The following CUX1 variants were observed in gnomAD, a reference collection of about 807,000 sequenced individuals.
The protein encoded by CUX1 is protein CASP.
CUX1 carries 31 observed loss-of-function variants against 158.8 expected under a neutral mutation model. The ratio of observed to expected loss-of-function variants is 0.20; its 90% CI spans 0.15 to 0.26. CUX1 has a LOEUF of 0.26. Among genes scored for constraint, CUX1 ranks in the 10% least tolerant of loss-of-function variants. The pLI, the probability that CUX1 is intolerant of heterozygous loss-of-function variation, is 1.00. For synonymous variants in CUX1, 879 were observed against 862.1 expected, an observed-to-expected ratio of 1.02 and a Z score of -0.34; for missense variants, 1,589 against 2,014.6, an observed-to-expected ratio of 0.79 and a Z score of 4.04.
At chr7:102,113,838 G>A (rs557356092) in intron 7 of CUX1, among the ~76,000 whole-genome samples, 1 of 152,140 alleles carries the variant, frequency 6.6e-6, no homozygotes, top group East Asian at 1.9e-4. Context: ...AATGCTGGGG[G>A]ATTACAGGTG....
In CUX1 at chr7:102,040,862, G is replaced by T. The variant is rs1292840827; in HGVS notation, c.189+12717G>T. Among the ~76,000 whole-genome samples, 3 of 152,206 alleles carry T rather than the reference G, an allele frequency of 2.0e-5. No individual in the cohort carries two copies. The East Asian group carries it at 5.8e-4, about 29-fold the overall frequency. ...GACTTTGCTCATCTGTAAAACGAGT[G>T]GGTTACCCAGATCCTCCCCCAAGGA... On this transcript the variant is annotated intron_variant, in intron 3 of 23. Transcript: ENST00000292535.
intron 20 of CUX1, among the ~76,000 whole-genome samples, chr7:102,216,448 G>T (rs938819098): frequency 1.1e-4 from 17 of 151,930 alleles, no homozygotes; most frequent in Non-Finnish European, 2.4e-4. Flanking sequence ...ACTTGGTAAG[G>T]GATGGGTAGG....
At chr7:102,166,573 G>A (rs927730836) in intron 9 of CUX1, among the ~76,000 whole-genome samples, 1 of 152,124 alleles carries the variant, frequency 6.6e-6, no homozygotes, top group Non-Finnish European at 1.5e-5. Flanking sequence ...GTCACCACAC[G>A]CCGACCCGGG....
chr7:102,279,540 TG>T (rs1554548645), intron 18 of CUX1, among the ~76,000 whole-genome samples: 1 of 152,020 alleles, frequency 6.6e-6, no homozygotes, highest in Non-Finnish European at 1.5e-5. Flanking sequence ...GAGAAGAGCG[TG>T]GGGCATAGTG....
At chr7:102,148,562 A>G (rs371275) in intron 8 of CUX1, among the ~76,000 whole-genome samples, 3 of 151,750 alleles carry the variant, frequency 2.0e-5, no homozygotes, top group African/African-American at 7.3e-5. Context: ...CAAACAAAAA[A>G]ACAAAAAACA....
chr7:101,951,650 C>T (rs1281905424), intron 2 of CUX1, among the ~76,000 whole-genome samples: 2 of 152,084 alleles, frequency 1.3e-5, no homozygotes, highest in East Asian at 3.9e-4. Flanking sequence ...GGACTACAGG[C>T]GTCCGCCACC....
At chr7:102,139,659 AT>A (rs1162544296) in intron 8 of CUX1, among the ~76,000 whole-genome samples, 13 of 150,436 alleles carry the variant, frequency 8.6e-5, no homozygotes, top group African/African-American at 2.0e-4. Context: ...TCCAAAATGA[AT>A]TTTTTTTTTA....
chr7:102,108,553 G>T (rs1830594867), intron 6 of CUX1, among the ~76,000 whole-genome samples: 1 of 152,062 alleles, frequency 6.6e-6, no homozygotes, highest in Non-Finnish European at 1.5e-5. Flanking sequence ...GCTCAGGCTG[G>T]TTTCAAACTC....
chr7:102,146,339 C>T (rs797039256), intron 8 of CUX1, among the ~76,000 whole-genome samples: 2 of 152,184 alleles, frequency 1.3e-5, no homozygotes, highest in African/African-American at 2.4e-5. Flanking sequence ...TGGGGTCACA[C>T]GCTCTGGTGA....
rs1801696858 is a variant in CUX1 at position 102,253,129 on chromosome 7, C to T, written c.*4087C>T. ...TGCTCAGTTTCCTTCCTGTCGCCAT[C>T]TTTGTTTTCTTCCCATTGAAAAACC... On this transcript the variant is annotated 3_prime_UTR_variant, in exon 24 of 24. Transcript: ENST00000292535. 3 of 985,584 alleles carry T rather than the reference C, an allele frequency of 3.0e-6. No individual in the cohort carries two copies. Among genetic ancestry groups the T allele is most frequent in the East Asian group, 2.3e-4 (2 of 8,822 alleles). 61.1% of individuals were successfully genotyped at this position (985,584 alleles called of 1,614,324 possible).
At chr7:102,109,188 C>G (rs1830654693) in intron 6 of CUX1, among the ~76,000 whole-genome samples, 1 of 151,974 alleles carries the variant, frequency 6.6e-6, no homozygotes, top group Admixed American at 6.6e-5. Context: ...CAAATAATAA[C>G]ATTTTAAAAA....
Position 102,118,540 on chromosome 7 carries a change from A to G in CUX1, c.674+3267A>G, listed in dbSNP as rs563341621. 9.9e-5 allele frequency among the ~76,000 whole-genome samples: 15 copies of G among 152,268 alleles called. No individual in the cohort carries two copies. The South Asian group carries it at 1.2e-3, about 13-fold the overall frequency. On this transcript the variant is annotated intron_variant, in intron 8 of 23. Transcript: ENST00000292535. The stretch of plus-strand genomic sequence containing the variant: ...TGACAGAGCAAGACCCTGTCTAAAA[A>G]AAAAGGGATTCTTAAATATTTGTTG...
At chr7:101,987,673 G>T (rs919202433) in intron 2 of CUX1, among the ~76,000 whole-genome samples, 2 of 152,190 alleles carry the variant, frequency 1.3e-5, no homozygotes, top group African/African-American at 4.8e-5. Context: ...TTTCCCGGCC[G>T]CTGCGGTGTC....
At chr7:101,817,505 T>TCTA (rs1234728666), upstream of CUX1, 22 of 1,139,080 alleles carry the variant, frequency 1.9e-5, no homozygotes, top group Non-Finnish European at 2.4e-5. The surrounding 1 kb of genome is among the most constrained non-coding windows in gnomAD (Gnocchi z 4.1). Context: ...CGCGCCCGAG[T>TCTA]CGCCGCCGTG....
chr7:101,836,135 T>G (rs1794595396), intron 1 of CUX1, among the ~76,000 whole-genome samples: 2 of 152,348 alleles, frequency 1.3e-5, no homozygotes, highest in South Asian at 4.1e-4. Context: ...TTTGTAGCCA[T>G]TAGCCGTCGC....
chr7:102,070,564 C>G (rs1447831422), intron 4 of CUX1, 147 bp downstream of exon 4: 1 of 619,416 alleles, frequency 1.6e-6, no homozygotes, highest in African/African-American at 1.9e-5. Context: ...GAGTGCAGGA[C>G]ACATGAATTC....
chr7:101,895,371 A>G (rs764286344), intron 1 of CUX1, among the ~76,000 whole-genome samples: 6 of 152,084 alleles, frequency 3.9e-5, no homozygotes, highest in Non-Finnish European at 8.8e-5. Context: ...TTGGATCCCA[A>G]TGGTAAGGGC....
intron 10 of CUX1, among the ~76,000 whole-genome samples, chr7:102,173,167 C>T (rs1387721315): frequency 4.6e-5 from 7 of 152,050 alleles, no homozygotes; most frequent in Non-Finnish European, 1.0e-4. Flanking sequence ...TGAGACCAGC[C>T]TGGCCAATAT....
At chr7:101,970,969 C>T (rs1811878413) in intron 2 of CUX1, among the ~76,000 whole-genome samples, 1 of 152,200 alleles carries the variant, frequency 6.6e-6, no homozygotes, top group Non-Finnish European at 1.5e-5. Context: ...GTTTTGCCTG[C>T]AGCAGAAGGA....
Sources: gnomAD v4.1 joint callset for allele counts (sites outside exome capture counted in the v4.1 genomes callset) on GRCh38, gnomAD v4.1.1 for gene constraint, Gnocchi (gnomAD v3.1) non-coding constraint, MANE v1.5 for transcripts, NCBI Gene and HGNC (gene_info 2026-07-23, HGNC 2026-07-21) for gene names.